The following ASTN2 variants were observed in gnomAD, a reference collection of about 807,000 sequenced individuals.
ASTN2 encodes astrotactin-2.
A neutral mutation model predicts 139.8 loss-of-function variants in ASTN2; 54 were observed. The ratio of observed to expected loss-of-function variants is 0.39; its 90% CI spans 0.31 to 0.48. The LOEUF (loss-of-function observed/expected upper bound fraction) is 0.48, where lower values mean the gene tolerates loss of function less well. Among genes scored for constraint, ASTN2 ranks in the 20% least tolerant of loss-of-function variants. The pLI, the probability that ASTN2 is intolerant of heterozygous loss-of-function variation, is 0.95. For synonymous variants in ASTN2, 756 were observed against 719.5 expected, an observed-to-expected ratio of 1.05 and a Z score of -0.81; for missense variants, 1,565 against 1,725.1, an observed-to-expected ratio of 0.91 and a Z score of 1.64.
intron 1 of ASTN2, among the ~76,000 whole-genome samples, chr9:117,311,927 C>A (rs962241125): frequency 1.5e-4 from 23 of 152,098 alleles, no homozygotes; most frequent in African/African-American, 2.9e-4. Flanking sequence ...TCAGAGCCCA[C>A]CCCCCATTAT....
At chr9:116,950,499 AATT>A (rs1240535551) in intron 10 of ASTN2, among the ~76,000 whole-genome samples, 2 of 152,144 alleles carry the variant, frequency 1.3e-5, no homozygotes, top group African/African-American at 2.4e-5. Context: ...TGTTATTGCA[AATT>A]ATTATTCATT....
At chr9:116,959,950 G>A (rs1373970733) in intron 10 of ASTN2, among the ~76,000 whole-genome samples, 8 of 152,112 alleles carry the variant, frequency 5.3e-5, no homozygotes, top group Admixed American at 1.3e-4. Context: ...TTTTGTGTGC[G>A]TGCCGGCTGC....
At chr9:117,094,736 G>A (rs1212520832) in intron 5 of ASTN2, among the ~76,000 whole-genome samples, 1 of 152,138 alleles carries the variant, frequency 6.6e-6, no homozygotes, top group Admixed American at 6.5e-5. Context: ...GAGGAGATAG[G>A]AAAAACAACA....
chr9:117,128,475 T>TGATG (rs999192605), intron 4 of ASTN2, among the ~76,000 whole-genome samples: 9 of 149,106 alleles, frequency 6.0e-5, no homozygotes, highest in African/African-American at 2.2e-4. Context: ...TAAGGGCAAT[T>TGATG]GGGGAGGTTA....
At chr9:116,966,974 G>A (rs1836028387) in intron 10 of ASTN2, among the ~76,000 whole-genome samples, 2 of 152,156 alleles carry the variant, frequency 1.3e-5, no homozygotes, top group African/African-American at 4.8e-5. Context: ...AACATCCTGA[G>A]TTGAAATCCT....
chr9:117,005,336 C>T (rs1443077267), intron 7 of ASTN2, among the ~76,000 whole-genome samples: 2 of 151,534 alleles, frequency 1.3e-5, no homozygotes, highest in African/African-American at 4.9e-5. Context: ...ATCCACCTGT[C>T]TTGGCCTCCC....
chr9:116,636,052 C>T (rs1857058234), intron 17 of ASTN2, among the ~76,000 whole-genome samples: 1 of 152,154 alleles, frequency 6.6e-6, no homozygotes, highest in African/African-American at 2.4e-5. Flanking sequence ...TGGAAAAAGC[C>T]AGTAATGACA....
chr9:117,267,056 G>A (rs1005208506), intron 2 of ASTN2, among the ~76,000 whole-genome samples: 1 of 152,200 alleles, frequency 6.6e-6, no homozygotes, highest in East Asian at 1.9e-4. Context: ...TACATAATTA[G>A]TCGGTTGATA....
intron 16 of ASTN2, among the ~76,000 whole-genome samples, chr9:116,671,870 T>A (rs1180777949): frequency 6.6e-6 from 1 of 152,140 alleles, no homozygotes; most frequent in African/African-American, 2.4e-5. Flanking sequence ...AGCCTTCAGA[T>A]GAGACCACAG....
intron 10 of ASTN2, among the ~76,000 whole-genome samples, chr9:116,906,690 T>C (rs144957411): frequency 2.0e-5 from 3 of 152,304 alleles, no homozygotes; most frequent in East Asian, 3.9e-4. Context: ...TTGGTTTGTT[T>C]GTTTTTGTAC....
In ASTN2 at chr9:117,020,274, G is replaced by A. The variant is rs538358913; in HGVS notation, c.1424-12015C>T. Among the ~76,000 whole-genome samples, 23 of 151,748 alleles carry A rather than the reference G, an allele frequency of 1.5e-4. No homozygotes were observed. The South Asian group carries it at 4.4e-3, about 29-fold the overall frequency. ...CACCAACTTCAGAAGATTTGGGAAGGAAGAAAGGGTAGAATATATACAAAT... is the reference window on the plus strand; with the variant it reads ...CACCAACTTCAGAAGATTTGGGAAGAAAGAAAGGGTAGAATATATACAAAT... On this transcript the variant is annotated intron_variant, in intron 6 of 22. Coordinates refer to ENST00000313400, the MANE Select transcript of ASTN2 (RefSeq NM_001365068.1).
At chr9:116,770,818 T>C (rs1042243309) in intron 13 of ASTN2, among the ~76,000 whole-genome samples, 26 of 152,114 alleles carry the variant, frequency 1.7e-4, no homozygotes, top group Non-Finnish European at 2.1e-4. Context: ...TGAGAAGGAC[T>C]CTCTTGAGGG....
intron 20 of ASTN2, among the ~76,000 whole-genome samples, chr9:116,464,888 T>C (rs773051498): frequency 1.3e-5 from 2 of 152,230 alleles, no homozygotes; most frequent in Non-Finnish European, 2.9e-5. Flanking sequence ...GGGTGCGATA[T>C]GCCTGATGTC....
chr9:117,144,273 T>G (rs1056468134), intron 3 of ASTN2, among the ~76,000 whole-genome samples: 2 of 152,156 alleles, frequency 1.3e-5, no homozygotes, highest in African/African-American at 4.8e-5. Flanking sequence ...AGAAAATAAA[T>G]TTCTCTCGTT....
intron 10 of ASTN2, among the ~76,000 whole-genome samples, chr9:116,905,024 G>T (rs888875432): frequency 6.6e-6 from 1 of 152,074 alleles, no homozygotes; most frequent in Non-Finnish European, 1.5e-5. Context: ...TGAGGAGCAG[G>T]CCTGGCCTTC....
intron 19 of ASTN2, among the ~76,000 whole-genome samples, chr9:116,491,815 C>A (rs1229539087): frequency 6.6e-6 from 1 of 152,170 alleles, no homozygotes; most frequent in African/African-American, 2.4e-5. Flanking sequence ...CATCTGGCAA[C>A]CATACAATTG....
chr9:117,025,973 C>G (rs908497535), intron 6 of ASTN2, among the ~76,000 whole-genome samples: 3 of 151,946 alleles, frequency 2.0e-5, no homozygotes, highest in East Asian at 1.9e-4. Flanking sequence ...CTGTGTTGGT[C>G]AGGCTGGTCT....
At chr9:117,197,667 A>G (rs1363344165) in intron 3 of ASTN2, among the ~76,000 whole-genome samples, 1 of 152,244 alleles carries the variant, frequency 6.6e-6, no homozygotes, top group Non-Finnish European at 1.5e-5. Context: ...GGAAAATGCC[A>G]GAAGAATATA....
chr9:116,608,038 G>C (rs1050842335), intron 19 of ASTN2, among the ~76,000 whole-genome samples: 10 of 152,174 alleles, frequency 6.6e-5, no homozygotes, highest in Non-Finnish European at 1.3e-4. Context: ...GATCCTGAAA[G>C]ATGGAAAACA....
Sources: allele counts gnomAD v4.1 joint callset (sites outside exome capture counted in the v4.1 genomes callset), GRCh38; gene constraint gnomAD v4.1.1; transcripts MANE v1.5; gene names NCBI Gene and HGNC (gene_info 2026-07-23, HGNC 2026-07-21).